CTNNA3: variants seen among roughly 807,000 people sequenced by gnomAD.
CTNNA3 encodes catenin alpha-3.
CTNNA3 carries 76 observed loss-of-function variants against 95.7 expected under a neutral mutation model. That is an observed-to-expected ratio of 0.79 (90% confidence interval 0.66 to 0.96). CTNNA3 has a LOEUF of 0.96. Ranked by LOEUF, CTNNA3 falls within the 40% of genes least tolerant of loss-of-function variation. The pLI is 0.00. For synonymous variants in CTNNA3, 431 were observed against 374.4 expected (o/e 1.15, Z -1.74); for missense variants, 1,191 against 1,089.8 (o/e 1.09, Z -1.31).
intron 7 of CTNNA3, among the ~76,000 whole-genome samples, chr10:67,017,353 G>T (rs1470061022): frequency 6.6e-6 from 1 of 152,204 alleles, no homozygotes; most frequent in Non-Finnish European, 1.5e-5. Context: ...GAGAAAGGCT[G>T]TTTCTGATTA....
chr10:66,140,905 G>T (rs2083581744), intron 13 of CTNNA3, among the ~76,000 whole-genome samples: 1 of 152,164 alleles, frequency 6.6e-6, no homozygotes, highest in Non-Finnish European at 1.5e-5. Context: ...TGTTGGTTGT[G>T]ATGATACTTG....
At position 65,981,100 on chromosome 10, in the gene CTNNA3, A is replaced by G. The variant is rs147926666; in HGVS notation, c.2265+7592T>C. On this transcript the variant is annotated intron_variant, in intron 16 of 17. Coordinates refer to ENST00000433211, the MANE Select transcript of CTNNA3 (RefSeq NM_013266.4). Reference sequence around the variant, plus strand: ...ATCATATATCCAGAAAACCCTAAAGACTCATCCAAGAATCTCCTAGAACTG... The same window carrying G: ...ATCATATATCCAGAAAACCCTAAAGGCTCATCCAAGAATCTCCTAGAACTG... Among the ~76,000 whole-genome samples, 509 of 152,066 alleles carry G rather than the reference A, an allele frequency of 3.3e-3. 6 individuals carry two copies. The highest frequency in any genetic ancestry group is 6.6e-3 in the Admixed American group (100 of 15,246).
chr10:67,359,060 T>A (rs1842912957), intron 5 of CTNNA3, among the ~76,000 whole-genome samples: 1 of 151,608 alleles, frequency 6.6e-6, no homozygotes, highest in Non-Finnish European at 1.5e-5. Flanking sequence ...ATAAATAAAT[T>A]CCATAAATAT....
At chr10:66,208,904 T>G (rs1321243307) in intron 13 of CTNNA3, among the ~76,000 whole-genome samples, 1 of 152,066 alleles carries the variant, frequency 6.6e-6, no homozygotes, top group Non-Finnish European at 1.5e-5. Flanking sequence ...TTTAGTCTCC[T>G]CCACTTCAAT....
chr10:67,057,195 G>A (rs1261642599), intron 7 of CTNNA3, among the ~76,000 whole-genome samples: 1 of 152,128 alleles, frequency 6.6e-6, no homozygotes, highest in East Asian at 1.9e-4. Flanking sequence ...GGCATACAAT[G>A]TGATGTTTTG....
At position 66,656,035 on chromosome 10, in the gene CTNNA3, A is replaced by G. The variant is rs527577947; in HGVS notation, c.1282-34251T>C. On this transcript the variant is annotated intron_variant, in intron 9 of 17. Coordinates refer to ENST00000433211, the MANE Select transcript of CTNNA3 (RefSeq NM_013266.4). Reference sequence around the variant, plus strand: ...TGAATCTTCTGTTTAAATGTTTTACATAAATTTTAGTACACGGCCAGTAAA... The same window carrying G: ...TGAATCTTCTGTTTAAATGTTTTACGTAAATTTTAGTACACGGCCAGTAAA... 5.3e-5 allele frequency among the ~76,000 whole-genome samples: 8 copies of G among 152,208 alleles called. No individual in the cohort carries two copies. The South Asian group carries it at 1.4e-3, about 28-fold the overall frequency.
intron 10 of CTNNA3, among the ~76,000 whole-genome samples, chr10:66,548,901 T>C (rs2132100925): frequency 6.6e-6 from 1 of 152,050 alleles, no homozygotes; most frequent in South Asian, 2.1e-4. Context: ...TCACGAAGAA[T>C]ATTTCTCTGT....
chr10:67,220,857 T>G (rs754915936), intron 5 of CTNNA3, among the ~76,000 whole-genome samples: 2 of 152,148 alleles, frequency 1.3e-5, no homozygotes, highest in Non-Finnish European at 2.9e-5. Context: ...CTTGATATAC[T>G]GTGACAGGAA....
At chr10:67,315,425 G>A (rs1032645050) in intron 5 of CTNNA3, among the ~76,000 whole-genome samples, 5 of 152,094 alleles carry the variant, frequency 3.3e-5, no homozygotes, top group Non-Finnish European at 5.9e-5. Flanking sequence ...TCTCAGTAAC[G>A]GGGAGGGGGA....
At chr10:66,422,234 C>G (rs925291173) in intron 11 of CTNNA3, among the ~76,000 whole-genome samples, 4 of 152,030 alleles carry the variant, frequency 2.6e-5, no homozygotes, top group African/African-American at 9.7e-5. Context: ...ATGCTGATCA[C>G]AAATTGCTCA....
At chr10:67,275,870 A>AT (rs1316207882) in intron 5 of CTNNA3, among the ~76,000 whole-genome samples, 7 of 151,910 alleles carry the variant, frequency 4.6e-5, no homozygotes, top group African/African-American at 1.7e-4. Context: ...TTATCTTCTG[A>AT]TTTTTTCCAC....
At chr10:67,390,057 T>A (rs1241663948) in intron 5 of CTNNA3, among the ~76,000 whole-genome samples, 1 of 151,548 alleles carries the variant, frequency 6.6e-6, no homozygotes, top group Non-Finnish European at 1.5e-5. Context: ...ATAACTAAAA[T>A]CAGAGCAGAA....
intron 15 of CTNNA3, among the ~76,000 whole-genome samples, chr10:66,027,459 T>C (rs543078146): frequency 6.6e-6 from 1 of 152,256 alleles, no homozygotes; most frequent in South Asian, 2.1e-4. Flanking sequence ...CCCTATGTGC[T>C]CCCATGAAAT....
chr10:66,854,113 C>T (rs1452513866), intron 7 of CTNNA3, among the ~76,000 whole-genome samples: 1 of 152,054 alleles, frequency 6.6e-6, no homozygotes, highest in African/African-American at 2.4e-5. Context: ...TCACTTACTT[C>T]CTTGGCTTGC....
intron 10 of CTNNA3, among the ~76,000 whole-genome samples, chr10:66,588,958 T>G: frequency 6.6e-6 from 1 of 152,070 alleles, no homozygotes; most frequent in East Asian, 1.9e-4. Flanking sequence ...CCTTTGGTTA[T>G]AAAAACCCAA....
At chr10:67,619,382 A>T (rs1402011803) in intron 2 of CTNNA3, among the ~76,000 whole-genome samples, 1 of 152,234 alleles carries the variant, frequency 6.6e-6, no homozygotes, top group Non-Finnish European at 1.5e-5. Flanking sequence ...CAATTTCTTC[A>T]ATAAATGGTG....
chr10:66,632,411 C>T (rs1472875530), intron 9 of CTNNA3, among the ~76,000 whole-genome samples: 3 of 151,650 alleles, frequency 2.0e-5, no homozygotes, highest in Non-Finnish European at 4.4e-5. Context: ...AAAAATTAGC[C>T]GGGCTTGGTG....
At chr10:67,300,804 T>G (rs1840234980) in intron 5 of CTNNA3, among the ~76,000 whole-genome samples, 1 of 152,166 alleles carries the variant, frequency 6.6e-6, no homozygotes, top group Non-Finnish European at 1.5e-5. Context: ...CCTCTTTCAG[T>G]GTATAAACTG....
chr10:66,574,591 A>G (rs2132174431), intron 10 of CTNNA3, among the ~76,000 whole-genome samples: 1 of 152,284 alleles, frequency 6.6e-6, no homozygotes, highest in African/African-American at 2.4e-5. Context: ...TTGAAAAGAA[A>G]ACATATTGAA....
Sources: allele counts gnomAD v4.1 joint callset (sites outside exome capture counted in the v4.1 genomes callset), GRCh38; gene constraint gnomAD v4.1.1; transcripts MANE v1.5; gene names NCBI Gene and HGNC (gene_info 2026-07-23, HGNC 2026-07-21).